UNC13C: variants seen among roughly 807,000 people sequenced by gnomAD.
UNC13C encodes protein unc-13 homolog C.
UNC13C carries 174 observed loss-of-function variants against 245.4 expected under a neutral mutation model. The ratio of observed to expected loss-of-function variants is 0.71; its 90% CI spans 0.63 to 0.80. The LOEUF (loss-of-function observed/expected upper bound fraction) is 0.80, where lower values mean the gene tolerates loss of function less well. Ranked by LOEUF, UNC13C falls within the 30% of genes least tolerant of loss-of-function variation. UNC13C has a pLI of 0.00. For missense variants in UNC13C, 2,829 were observed against 2,602.9 expected, an observed-to-expected ratio of 1.09 and a Z score of -1.89; for synonymous variants, 992 against 895.1, an observed-to-expected ratio of 1.11 and a Z score of -1.93.
At chr15:54,400,831 A>G (rs1050224192) in intron 18 of UNC13C, among the ~76,000 whole-genome samples, 3 of 152,178 alleles carry the variant, frequency 2.0e-5, no homozygotes, top group Non-Finnish European at 1.5e-5. Context: ...TACATGTGCC[A>G]TGTTGGTGTG....
At position 54,553,415 on chromosome 15, in the gene UNC13C, T is replaced by G. The variant is rs982944722; in HGVS notation, c.5878-2017T>G. Among the ~76,000 whole-genome samples the G allele has an allele frequency of 2.2e-4, 29 of 129,346 alleles. No individual in the cohort carries two copies. In the East Asian group the frequency reaches 5.6e-3, roughly 25 times the overall value. 84.9% of individuals were successfully genotyped at this position (129,346 alleles called of 152,430 possible). ...GTATATTATATTATATATTGTAATA[T>G]ATAATATTATATATAATATATAATA... On this transcript the variant is annotated intron_variant, in intron 28 of 32. Transcript: ENST00000260323.
chr15:54,176,979 A>C (rs1428415113), intron 4 of UNC13C, among the ~76,000 whole-genome samples: 2 of 152,138 alleles, frequency 1.3e-5, no homozygotes, highest in Non-Finnish European at 2.9e-5. Context: ...ATGTTATCAA[A>C]CTATCTTCAA....
intron 13 of UNC13C, among the ~76,000 whole-genome samples, chr15:54,305,836 A>G (rs1297333760): frequency 6.6e-6 from 1 of 152,056 alleles, no homozygotes; most frequent in Non-Finnish European, 1.5e-5. Flanking sequence ...TTTCCTAGAC[A>G]CTATTTGATC....
At chr15:54,475,562 G>GT (rs955205748) in intron 19 of UNC13C, among the ~76,000 whole-genome samples, 3 of 151,544 alleles carry the variant, frequency 2.0e-5, no homozygotes, top group Non-Finnish European at 2.9e-5. Context: ...GCAGTGTTTG[G>GT]TTTTTTGTCC....
intron 18 of UNC13C, among the ~76,000 whole-genome samples, chr15:54,398,270 T>G (rs536130967): frequency 1.3e-5 from 2 of 151,542 alleles, no homozygotes; most frequent in African/African-American, 4.8e-5. Context: ...ATTTTTAACT[T>G]TAAACCAACC....
intron 4 of UNC13C, among the ~76,000 whole-genome samples, chr15:54,232,471 C>A (rs2035580037): frequency 6.6e-6 from 1 of 152,010 alleles, no homozygotes; most frequent in Non-Finnish European, 1.5e-5. Context: ...AACTGATTCC[C>A]AAATTTGTGG....
chr15:54,280,769 C>T (rs142803125), intron 10 of UNC13C, among the ~76,000 whole-genome samples: 62 of 107,614 alleles, frequency 5.8e-4, no homozygotes, highest in Admixed American at 1.1e-3. Context: ...TACATACATA[C>T]ATATATATAT....
At chr15:54,540,443 CTCAGG>C (rs747263081) in intron 26 of UNC13C, among the ~76,000 whole-genome samples, 7 of 152,148 alleles carry the variant, frequency 4.6e-5, no homozygotes, top group Non-Finnish European at 1.0e-4. Context: ...ATCTAGATAG[CTCAGG>C]TTCTAAAATA....
At chr15:54,178,911 TGATATC>T (rs1382199365) in intron 4 of UNC13C, among the ~76,000 whole-genome samples, 1 of 152,086 alleles carries the variant, frequency 6.6e-6, no homozygotes, top group African/African-American at 2.4e-5. Flanking sequence ...CATCTTCTCA[TGATATC>T]TACCAAATTT....
chr15:54,066,026 A>G (rs918249303), intron 2 of UNC13C, among the ~76,000 whole-genome samples: 7 of 152,218 alleles, frequency 4.6e-5, no homozygotes, highest in Non-Finnish European at 5.9e-5. Flanking sequence ...AATTCTGAAG[A>G]TCCAAATTAC....
the UNC13C span, among the ~76,000 whole-genome samples, chr15:53,934,092 C>T: frequency 6.6e-6 from 1 of 152,180 alleles, no homozygotes. Flanking sequence ...ATTGCAAGAG[C>T]AAGAGAGAGA....
In UNC13C at chr15:54,195,619, T is replaced by TCTC. The variant is rs140569087; in HGVS notation, c.3072-39410_3072-39408dup. On this transcript the variant is annotated intron_variant, in intron 4 of 32. Transcript: ENST00000260323. ...AGCCACGCTTTATATAACCTAAACT[T>TCTC]CTCTGAATATTGAGGATCCCCTAAT... 0.01 allele frequency among the ~76,000 whole-genome samples: 1,571 copies of TCTC among 152,220 alleles called. 64 individuals carry two copies. The East Asian group carries it at 0.11, about 10-fold the overall frequency.
intron 13 of UNC13C, among the ~76,000 whole-genome samples, chr15:54,304,581 C>T (rs1821457657): frequency 6.6e-6 from 1 of 150,626 alleles, no homozygotes; most frequent in East Asian, 2.0e-4. Context: ...CCTCTGACCT[C>T]CTTTCCCTTA....
intron 2 of UNC13C, among the ~76,000 whole-genome samples, chr15:54,018,803 C>A (rs1411466096): frequency 6.6e-6 from 1 of 152,176 alleles, no homozygotes; most frequent in Non-Finnish European, 1.5e-5. Flanking sequence ...AGTCTAGAGG[C>A]AAGTTGTCTT....
At chr15:54,492,593 AG>A (rs1437294230) in intron 19 of UNC13C, among the ~76,000 whole-genome samples, 3 of 152,340 alleles carry the variant, frequency 2.0e-5, no homozygotes, top group Middle Eastern at 3.4e-3. Flanking sequence ...ATGGTACTGC[AG>A]TGATTTATGA....
chr15:53,930,360 G>C, the UNC13C span, among the ~76,000 whole-genome samples: 8 of 152,292 alleles, frequency 5.3e-5, no homozygotes, highest in East Asian at 1.2e-3. Context: ...CACAAGGCCA[G>C]ATTCAAAGGA....
At chr15:54,611,179 T>A (rs1900073256) in intron 30 of UNC13C, among the ~76,000 whole-genome samples, 1 of 152,138 alleles carries the variant, frequency 6.6e-6, no homozygotes, top group East Asian at 1.9e-4. Flanking sequence ...AGTGGAGTAG[T>A]ATTTGCATAT....
At chr15:53,896,106 C>G in the UNC13C span, among the ~76,000 whole-genome samples, 1 of 151,828 alleles carries the variant, frequency 6.6e-6, no homozygotes, top group African/African-American at 2.4e-5. Context: ...ACTTTAATTG[C>G]CAATGTAGAG....
intron 30 of UNC13C, among the ~76,000 whole-genome samples, chr15:54,612,421 C>T (rs1195947685): frequency 2.0e-5 from 3 of 151,810 alleles, no homozygotes; most frequent in East Asian, 3.9e-4. Context: ...GGATAGTAAC[C>T]GTCTCTCTGT....
Sources: allele counts gnomAD v4.1 joint callset (sites outside exome capture counted in the v4.1 genomes callset), GRCh38; gene constraint gnomAD v4.1.1; transcripts MANE v1.5; gene names NCBI Gene and HGNC (gene_info 2026-07-23, HGNC 2026-07-21).